MAP2K5: variants seen among roughly 807,000 people sequenced by gnomAD.
The protein encoded by MAP2K5 is dual specificity mitogen-activated protein kinase kinase 5.
A neutral mutation model predicts 83.1 loss-of-function variants in MAP2K5; 49 were observed. The observed-to-expected ratio is 0.59, with a 90% CI of 0.47 to 0.75. MAP2K5 has a LOEUF of 0.75. MAP2K5 is among the 30% of genes least tolerant of loss of function. MAP2K5 has a pLI of 0.00. For synonymous variants in MAP2K5, 202 were observed against 191.8 expected, an observed-to-expected ratio of 1.05 and a Z score of -0.44; for missense variants, 457 against 557.5, an observed-to-expected ratio of 0.82 and a Z score of 1.82.
rs2090270862 is a variant in MAP2K5, at chr15:67,778,157, A to C, written c.1242+5405A>C. ...CTAGAAAAATCTGTTTAAACATTTA[A>C]TTACTTACTAAGAGATGTTAACTTG... On this transcript the variant is annotated intron_variant, in intron 21 of 21. Coordinates refer to ENST00000178640, the MANE Select transcript of MAP2K5 (RefSeq NM_145160.3). The surrounding 1 kb of genome is among the most constrained non-coding windows in gnomAD (Gnocchi z 5.0). Among the ~76,000 whole-genome samples the C allele has an allele frequency of 6.6e-6, 1 of 152,208 alleles. No homozygotes were observed.
intron 13 of MAP2K5, among the ~76,000 whole-genome samples, chr15:67,681,379 A>G (rs921452994): frequency 1.8e-4 from 27 of 152,334 alleles, no homozygotes; most frequent in Non-Finnish European, 2.6e-4. Context: ...ATGTATGCTC[A>G]GAGAGGTTTA....
intron 21 of MAP2K5, among the ~76,000 whole-genome samples, chr15:67,803,983 C>T (rs2141350213): frequency 6.6e-6 from 1 of 152,276 alleles, no homozygotes; most frequent in South Asian, 2.1e-4. Flanking sequence ...GGTGATTGTG[C>T]CCACCTGTGT....
At chr15:67,621,542 A>T (rs976862546) in intron 8 of MAP2K5, among the ~76,000 whole-genome samples, 42 of 152,114 alleles carry the variant, frequency 2.8e-4, no homozygotes, top group Admixed American at 2.0e-3. Flanking sequence ...TAGCAGTGAG[A>T]AGCAGAAATA....
rs1035821187 is a variant in MAP2K5, at chr15:67,755,363, C to T, written c.1134+6762C>T. ...TTTCCCAGTCCTCCATTTTCTCATC[C>T]CCCTTTGTTCAGTGTCACCCTCTTC... On this transcript the variant is annotated intron_variant, in intron 19 of 21. Coordinates refer to ENST00000178640, the MANE Select transcript of MAP2K5 (RefSeq NM_145160.3). This position sits in a 1 kb window ranked among gnomAD's most constrained non-coding sequence, Gnocchi z 4.7. 3.3e-5 allele frequency among the ~76,000 whole-genome samples: 5 copies of T among 152,040 alleles called. No individual in the cohort carries two copies. Among genetic ancestry groups the T allele is most frequent in the Admixed American group, 6.6e-5 (1 of 15,258 alleles).
At position 67,577,037 on chromosome 15, in the gene MAP2K5, G is replaced by GCCA. The variant is rs1356983888; in HGVS notation, c.253-3716_253-3714dup. On this transcript the variant is annotated intron_variant, in intron 3 of 21. Transcript: ENST00000178640. This position sits in a 1 kb window ranked among gnomAD's most constrained non-coding sequence, Gnocchi z 4.1. ...TGCAAGCTCCGCTTCCCGGGTTCAC[G>GCCA]CCATTCTCCTGCCTCAGCCTCCCGA... is the stretch of plus-strand genomic sequence containing the variant. Among the ~76,000 whole-genome samples, 269 of 145,392 alleles carry GCCA rather than the reference G, an allele frequency of 1.9e-3. 9 individuals carry two copies. The highest frequency in any genetic ancestry group is 6.5e-3 in the African/African-American group (260 of 40,244).
At position 67,748,136 on chromosome 15, in the gene MAP2K5, C is replaced by T; in HGVS notation, c.1075-95C>T. 1.2e-6 allele frequency: 1 copy of T among 835,964 alleles called. No homozygotes were observed. 51.8% of individuals were successfully genotyped at this position (835,964 alleles called of 1,614,324 possible). On this transcript the variant is annotated intron_variant, in intron 17 of 21. Coordinates refer to ENST00000178640, the MANE Select transcript of MAP2K5 (RefSeq NM_145160.3). This position sits in a 1 kb window ranked among gnomAD's most constrained non-coding sequence, Gnocchi z 4.0. Reference sequence around the variant, plus strand: ...GTGTTAACACATGCCCACAAATTGCCACCAGCAATGCAATAATTTTCTCTC... The same window carrying T: ...GTGTTAACACATGCCCACAAATTGCTACCAGCAATGCAATAATTTTCTCTC...
Position 67,640,672 on chromosome 15 carries a change from C to G in MAP2K5, c.586-5559C>G. ...TGTCTATGGGCACAATTAGATGAGTCCTTGAAAATCTGTTGCTTTTCCTAC... is the reference window on the plus strand; with the variant it reads ...TGTCTATGGGCACAATTAGATGAGTGCTTGAAAATCTGTTGCTTTTCCTAC... On this transcript the variant is annotated intron_variant, in intron 9 of 21. Transcript: ENST00000178640. The surrounding 1 kb of genome is among the most constrained non-coding windows in gnomAD (Gnocchi z 4.6). The G allele has an allele frequency of 1.5e-6, 1 of 667,800 alleles. No individual in the cohort carries two copies. Among genetic ancestry groups the G allele is most frequent in the Non-Finnish European group, 1.9e-6 (1 of 539,738 alleles). The allele number at this position is 667,800 out of a possible 1,614,324, so 41.4% of individuals were successfully genotyped here.
At chr15:67,570,193 C>T (rs1235999267) in intron 3 of MAP2K5, among the ~76,000 whole-genome samples, 1 of 152,196 alleles carries the variant, frequency 6.6e-6, no homozygotes, top group Non-Finnish European at 1.5e-5. Flanking sequence ...CTATGAAGGC[C>T]ATCTGGGGCT....
chr15:67,699,637 A>G (rs1053071059), intron 15 of MAP2K5, among the ~76,000 whole-genome samples: 9 of 152,146 alleles, frequency 5.9e-5, no homozygotes, highest in Non-Finnish European at 1.0e-4. Context: ...AACCTCTCCA[A>G]AATTTTTCTT....
chr15:67,796,066 T>G (rs975191923), intron 21 of MAP2K5, among the ~76,000 whole-genome samples: 4 of 152,248 alleles, frequency 2.6e-5, no homozygotes, highest in African/African-American at 9.6e-5. Context: ...TGATTATCCT[T>G]TACTTCTGTG....
chr15:67,700,919 AT>A (rs1298717922), intron 15 of MAP2K5, among the ~76,000 whole-genome samples: 3 of 150,076 alleles, frequency 2.0e-5, no homozygotes, highest in African/African-American at 4.9e-5. Context: ...CACTTTTTCT[AT>A]TTTTTCTTCT....
chr15:67,799,539 G>A (rs1246969680), intron 21 of MAP2K5, among the ~76,000 whole-genome samples: 1 of 152,268 alleles, frequency 6.6e-6, no homozygotes, highest in Non-Finnish European at 1.5e-5. Context: ...TGACAGATGA[G>A]ACCCAGAAAT....
intron 13 of MAP2K5, among the ~76,000 whole-genome samples, chr15:67,685,590 A>G (rs2087933664): frequency 6.6e-6 from 1 of 152,214 alleles, no homozygotes; most frequent in Non-Finnish European, 1.5e-5. Context: ...AAAAATAAAG[A>G]CATTATATTA....
At chr15:67,645,295 T>C (rs1226991280) in intron 9 of MAP2K5, among the ~76,000 whole-genome samples, 2 of 151,964 alleles carry the variant, frequency 1.3e-5, no homozygotes, top group African/African-American at 4.8e-5. Flanking sequence ...CTGAGCAACA[T>C]AGTGAAACCC....
chr15:67,662,092 G>A lies in MAP2K5; in HGVS notation c.799-2505G>A, dbSNP rs1172665261. The stretch of plus-strand genomic sequence containing the variant: ...CAAGTCATTTGCTATAAAAATGTAT[G>A]CTGTTCTCTTAGAATAGACAAACAT... On this transcript the variant is annotated intron_variant, in intron 12 of 21. Coordinates refer to ENST00000178640, the MANE Select transcript of MAP2K5 (RefSeq NM_145160.3). Among the ~76,000 whole-genome samples the A allele has an allele frequency of 2.0e-5, 3 of 152,172 alleles. No individual in the cohort carries two copies. The East Asian group carries it at 5.8e-4, about 29-fold the overall frequency.
At chr15:67,703,741 A>G (rs1478383910) in intron 16 of MAP2K5, among the ~76,000 whole-genome samples, 1 of 152,236 alleles carries the variant, frequency 6.6e-6, no homozygotes, top group East Asian at 1.9e-4. Flanking sequence ...ATTCTTATAC[A>G]TACTAAATCT....
rs71142381 is a variant in MAP2K5, at chr15:67,575,916, CT to C, written c.253-4817del. Among the ~76,000 whole-genome samples, 921 of 135,664 alleles carry C rather than the reference CT, an allele frequency of 6.8e-3. 4 individuals carry two copies. The highest frequency in any genetic ancestry group is 0.011 in the Admixed American group (145 of 13,450). The allele number at this position is 135,664 out of a possible 152,430, so 89.0% of individuals were successfully genotyped here. A position where few individuals can be genotyped will look rare whatever the true frequency, so the allele number is the denominator to read the frequency against. ...TCTTTTTTTCTTTCTTTCTTTCTTT[CT>C]TTTTTTTTTTTTTTTTTTTTAAGAT... On this transcript the variant is annotated intron_variant, in intron 3 of 21. Coordinates refer to ENST00000178640, the MANE Select transcript of MAP2K5 (RefSeq NM_145160.3).
intron 8 of MAP2K5, among the ~76,000 whole-genome samples, chr15:67,622,144 C>CAAAAAA (rs11289969): frequency 6.6e-5 from 6 of 90,690 alleles, no homozygotes; most frequent in Admixed American, 1.2e-4. Flanking sequence ...GGCTCCATCT[C>CAAAAAA]AAAAAAAAAA....
chr15:67,742,406 C>G (rs567359155), intron 17 of MAP2K5, among the ~76,000 whole-genome samples: 1 of 152,026 alleles, frequency 6.6e-6, no homozygotes, highest in Non-Finnish European at 1.5e-5. Context: ...CCGGAAAAAC[C>G]CTCTCAGACA....
Sources: gnomAD v4.1 joint callset for allele counts (sites outside exome capture counted in the v4.1 genomes callset) on GRCh38, gnomAD v4.1.1 for gene constraint, Gnocchi (gnomAD v3.1) non-coding constraint, MANE v1.5 for transcripts, NCBI Gene and HGNC (gene_info 2026-07-23, HGNC 2026-07-21) for gene names.